The following RYK variants were observed in gnomAD, a reference collection of about 807,000 sequenced individuals.
The protein encoded by RYK is inactive tyrosine-protein kinase RYK.
Under a neutral mutation model 70.2 loss-of-function variants are expected in RYK, and 21 were observed. The observed-to-expected ratio is 0.30, with a 90% CI of 0.21 to 0.43. The LOEUF (loss-of-function observed/expected upper bound fraction) is 0.43. Ranked by LOEUF, RYK falls within the 20% of genes least tolerant of loss-of-function variation. RYK has a pLI of 1.00. For missense variants in RYK, 604 were observed against 753.3 expected, an observed-to-expected ratio of 0.80 and a Z score of 2.32; for synonymous variants, 267 against 278.0, an observed-to-expected ratio of 0.96 and a Z score of 0.39.
intron 1 of RYK, among the ~76,000 whole-genome samples, chr3:134,240,891 T>C (rs2015305224): frequency 6.6e-6 from 1 of 152,262 alleles, no homozygotes; most frequent in Admixed American, 6.5e-5. Context: ...GCTCTTAATC[T>C]AATGACAATA....
At chr3:134,245,231 A>T (rs1045930402) in intron 1 of RYK, among the ~76,000 whole-genome samples, 1 of 151,916 alleles carries the variant, frequency 6.6e-6, no homozygotes, top group Non-Finnish European at 1.5e-5. Context: ...ACCATTAACT[A>T]CTCGTAATAT....
chr3:134,213,434 A>G (rs933621326), intron 2 of RYK, among the ~76,000 whole-genome samples: 4 of 152,230 alleles, frequency 2.6e-5, no homozygotes, highest in African/African-American at 9.6e-5. Context: ...CAGTCATTCC[A>G]GAACAGCTAC....
At chr3:134,223,307 C>T (rs1427000302) in intron 1 of RYK, among the ~76,000 whole-genome samples, 1 of 152,186 alleles carries the variant, frequency 6.6e-6, no homozygotes, top group African/African-American at 2.4e-5. Flanking sequence ...ATACAATCTT[C>T]CATACGTATC....
rs1355409105 is a variant in RYK, at chr3:134,202,867, A to G, written c.651T>C (p.Pro217=). Residue 217 remains proline, a synonymous_variant, in exon 6 of 15, where the codon CCT becomes CCC. Transcript: ENST00000623711. ...TAGAAGTGGTTGGAGCTGCATGTAC[A>G]GGATCATCTGAAATAAAAACAAAAA... ...DKNTSRTIYD[P]VHAAPTTSTR... 1 of 1,610,928 alleles carries G rather than the reference A, an allele frequency of 6.2e-7. No individual in the cohort carries two copies. Among genetic ancestry groups the G allele is most frequent in the South Asian group, 1.1e-5 (1 of 89,900 alleles).
intron 6 of RYK, among the ~76,000 whole-genome samples, chr3:134,196,056 T>A (rs1039942390): frequency 6.6e-5 from 10 of 152,194 alleles, no homozygotes; most frequent in Non-Finnish European, 1.2e-4. Flanking sequence ...AAATCTCTAG[T>A]ACTTGAAACA....
chr3:134,234,232 AAG>A (rs1168109910), intron 1 of RYK, among the ~76,000 whole-genome samples: 2 of 152,190 alleles, frequency 1.3e-5, no homozygotes, highest in African/African-American at 4.8e-5. Context: ...GAAGGTTGAT[AAG>A]AGATACAGAA....
At position 134,240,168 on chromosome 3, in the gene RYK, T is replaced by C. The variant is rs372322778; in HGVS notation, c.232+10255A>G. ...GTGCAATAATGGTTATTTTAGATTT[T>C]TTAAGAATTTCTTTCAGATATACAT... On this transcript the variant is annotated intron_variant, in intron 1 of 14. Coordinates refer to ENST00000623711, the MANE Select transcript of RYK (RefSeq NM_002958.4). Among the ~76,000 whole-genome samples, 14 of 152,362 alleles carry C rather than the reference T, an allele frequency of 9.2e-5. No individual in the cohort carries two copies. The East Asian group carries it at 1.5e-3, about 17-fold the overall frequency.
chr3:134,213,851 T>C (rs1407613978), intron 2 of RYK, among the ~76,000 whole-genome samples: 1 of 152,162 alleles, frequency 6.6e-6, no homozygotes, highest in Non-Finnish European at 1.5e-5. Context: ...TCACCCAGGC[T>C]GGAGTGCAGT....
At chr3:134,162,683 G>A (rs2012519387) in intron 13 of RYK, among the ~76,000 whole-genome samples, 1 of 151,858 alleles carries the variant, frequency 6.6e-6, no homozygotes, top group African/African-American at 2.4e-5. Flanking sequence ...TTTTTTCTGA[G>A]AAGCAACAAG....
In RYK at chr3:134,235,443, C is replaced by G. The variant is rs139608934; in HGVS notation, c.233-12904G>C. Among the ~76,000 whole-genome samples, 452 of 151,582 alleles carry G rather than the reference C, an allele frequency of 3.0e-3. 3 individuals are homozygous for G. The highest frequency in any genetic ancestry group is 9.9e-3 in the African/African-American group (410 of 41,330). On this transcript the variant is annotated intron_variant, in intron 1 of 14. Transcript: ENST00000623711. ...AGTCTATAAATGAGTATATTTTACC[C>G]TAATAATCAGGAAATAAAATTAATG...
chr3:134,247,119 T>C lies in RYK; in HGVS notation c.232+3304A>G, dbSNP rs150531899. 2.9e-3 allele frequency among the ~76,000 whole-genome samples: 447 copies of C among 152,146 alleles called. 1 individual carries two copies. The highest frequency in any genetic ancestry group is 0.01 in the African/African-American group (418 of 41,502). ...ATTTGCTGTGGGAAAAACAAAAATG[T>C]ATAAAAAAAATCATAAGTCACTATT... is the stretch of plus-strand genomic sequence containing the variant. On this transcript the variant is annotated intron_variant, in intron 1 of 14. Transcript: ENST00000623711.
chr3:134,241,360 A>T (rs1315467343), intron 1 of RYK, among the ~76,000 whole-genome samples: 1 of 151,890 alleles, frequency 6.6e-6, no homozygotes, highest in East Asian at 1.9e-4. Context: ...AAAAAAAAAA[A>T]AAGAAAGGTG....
At chr3:134,214,259 C>T (rs2014488829) in intron 2 of RYK, among the ~76,000 whole-genome samples, 1 of 152,158 alleles carries the variant, frequency 6.6e-6, no homozygotes, top group South Asian at 2.1e-4. Context: ...AATTACTTCA[C>T]TACCAAAACA....
chr3:134,191,228 T>C (rs2013632050), intron 8 of RYK, among the ~76,000 whole-genome samples: 1 of 152,112 alleles, frequency 6.6e-6, no homozygotes, highest in Admixed American at 6.6e-5. Context: ...ACCCTCCAAT[T>C]CAAAAAGGAA....
At chr3:134,215,448 T>C (rs982628431) in intron 2 of RYK, among the ~76,000 whole-genome samples, 5 of 152,216 alleles carry the variant, frequency 3.3e-5, no homozygotes, top group Admixed American at 3.3e-4. Flanking sequence ...TGCTGGCTCC[T>C]TTTTTGAGGA....
chr3:134,190,654 T>C (rs1401302418), intron 8 of RYK, among the ~76,000 whole-genome samples: 1 of 152,216 alleles, frequency 6.6e-6, no homozygotes, highest in Non-Finnish European at 1.5e-5. Flanking sequence ...CACCATATTT[T>C]CTTTTCTGAA....
At chr3:134,248,872 A>G (rs2015537526) in intron 1 of RYK, among the ~76,000 whole-genome samples, 1 of 152,112 alleles carries the variant, frequency 6.6e-6, no homozygotes, top group South Asian at 2.1e-4. Context: ...AATAGGCATA[A>G]TGCCACCTAC....
chr3:134,223,813 C>T (rs1457488892), intron 1 of RYK, among the ~76,000 whole-genome samples: 2 of 152,172 alleles, frequency 1.3e-5, no homozygotes, highest in Non-Finnish European at 2.9e-5. Flanking sequence ...GCAAATTTCA[C>T]ATTTACTGAG....
intron 1 of RYK, among the ~76,000 whole-genome samples, chr3:134,244,151 CCT>C (rs1316868626): frequency 6.6e-6 from 1 of 152,062 alleles, no homozygotes; most frequent in Non-Finnish European, 1.5e-5. Flanking sequence ...CAAAAGTCCC[CCT>C]GACCCCTATC....
Sources: allele counts gnomAD v4.1 joint callset (sites outside exome capture counted in the v4.1 genomes callset), GRCh38; gene constraint gnomAD v4.1.1; transcripts MANE v1.5; gene names NCBI Gene and HGNC (gene_info 2026-07-23, HGNC 2026-07-21).